CAP2: variants seen among roughly 807,000 people sequenced by gnomAD.
CAP2 encodes cyclase associated actin cytoskeleton regulatory protein 2, also known as adenylyl cyclase-associated protein 2.
In CAP2, 24 loss-of-function variants were observed where a neutral mutation model predicts 57.7. That is an observed-to-expected ratio of 0.42 (90% CI 0.30 to 0.58). CAP2 has a LOEUF of 0.58. CAP2 is among the 20% of genes least tolerant of loss of function. The pLI is 0.22. For synonymous variants in CAP2, 194 were observed against 207.2 expected, an observed-to-expected ratio of 0.94 and a Z score of 0.55; for missense variants, 501 against 590.3, an observed-to-expected ratio of 0.85 and a Z score of 1.57.
At chr6:17,455,563 T>G (rs961016938) in intron 3 of CAP2, among the ~76,000 whole-genome samples, 1 of 150,874 alleles carries the variant, frequency 6.6e-6, no homozygotes, top group African/African-American at 2.4e-5. Flanking sequence ...TGAGACAGAG[T>G]CTCGCTCTGT....
chr6:17,499,398 CAAAAAAA>C lies in CAP2; in HGVS notation c.301-7755_301-7749del, dbSNP rs71002217. On this transcript the variant is annotated intron_variant, in intron 4 of 12. Transcript: ENST00000229922. The stretch of plus-strand genomic sequence containing the variant: ...TGGGTGACAGAGCAAGACTCCATCT[CAAAAAAA>C]AAAAAAAAAAAAAAATTAAAGTAGG... 8.9e-3 allele frequency among the ~76,000 whole-genome samples: 620 copies of C among 69,564 alleles called. 7 individuals carry two copies. The highest frequency in any genetic ancestry group is 0.031 in the African/African-American group (594 of 19,206). The allele number at this position is 69,564 out of a possible 152,430, so 45.6% of individuals were successfully genotyped here.
intron 4 of CAP2, among the ~76,000 whole-genome samples, chr6:17,489,588 C>T (rs1761500788): frequency 6.6e-6 from 1 of 152,114 alleles, no homozygotes; most frequent in African/African-American, 2.4e-5. Context: ...GTTGGCATTA[C>T]CCAGTGTCAG....
intron 7 of CAP2, among the ~76,000 whole-genome samples, chr6:17,516,813 T>C (rs1367746978): frequency 6.6e-6 from 1 of 152,180 alleles, no homozygotes; most frequent in East Asian, 1.9e-4. Flanking sequence ...CCTTCTACAT[T>C]TGTTTTCCAA....
At chr6:17,537,933 G>A (rs1160669208) in intron 7 of CAP2, among the ~76,000 whole-genome samples, 6 of 152,026 alleles carry the variant, frequency 3.9e-5, no homozygotes, top group African/African-American at 1.4e-4. Flanking sequence ...TGGGCTTGGT[G>A]GTGCATGTTT....
In CAP2 at chr6:17,542,842, C is replaced by G; in HGVS notation, c.1008C>G (p.Tyr336Ter). The change falls in exon 10 of 13, where the codon TAC becomes TAG. Residue 336 changes from tyrosine (Y) to a stop codon, truncating the protein, a stop_gained. Coordinates refer to ENST00000229922, the MANE Select transcript of CAP2 (RefSeq NM_006366.3). LOFTEE classifies it high-confidence loss of function. Reference protein sequence around the residue: ...ELEGKKWRVEYQEDRNDLVIS... With the variant: ...ELEGKKWRVE ...TGTATTTGTCTTAATTCTAGGAGTA[C>G]CAAGAGGACAGGAATGACCTTGTGA... 1 of 1,609,862 alleles carries G rather than the reference C, an allele frequency of 6.2e-7. No individual in the cohort carries two copies. The highest frequency in any genetic ancestry group is 8.5e-7 in the Non-Finnish European group (1 of 1,177,174).
intron 7 of CAP2, 99 bp downstream of exon 7, chr6:17,514,053 A>G: frequency 2.6e-6 from 2 of 780,756 alleles, no homozygotes; most frequent in Non-Finnish European, 4.4e-6. Flanking sequence ...TACCTCAAGG[A>G]AAATGTAAGA....
At chr6:17,492,744 TC>T (rs761464933) in intron 4 of CAP2, among the ~76,000 whole-genome samples, 3 of 152,166 alleles carry the variant, frequency 2.0e-5, no homozygotes, top group Non-Finnish European at 4.4e-5. Context: ...TAATAAAATC[TC>T]CCCTCCTCCT....
In CAP2 at chr6:17,507,180, C is replaced by T. The variant is rs1196039749; in HGVS notation, c.312C>T (p.Ala104=). 8 of 1,614,106 alleles carry T rather than the reference C, an allele frequency of 5.0e-6. No individual in the cohort carries two copies. The highest frequency in any genetic ancestry group is 1.7e-5 in the Admixed American group (1 of 60,006). ...TTGACTGCTTACAGAATGACGTGGC[C>T]GCACTTCTGAAACCCATATCGGAAA... ...QYQQPHENDV[A]ALLKPISEKI... is the part of the protein sequence containing the mutation. Residue 104 remains alanine, a synonymous_variant, in exon 5 of 13, where the codon GCC becomes GCT. Transcript: ENST00000229922.
rs974460344 is a variant in CAP2 at position 17,478,183 on chromosome 6, G to A, written c.300+15110G>A. Among the ~76,000 whole-genome samples, 11 of 151,396 alleles carry A rather than the reference G, an allele frequency of 7.3e-5. No individual in the cohort carries two copies. In the South Asian group the frequency reaches 1.0e-3, roughly 14 times the overall value. On this transcript the variant is annotated intron_variant, in intron 4 of 12. Coordinates refer to ENST00000229922, the MANE Select transcript of CAP2 (RefSeq NM_006366.3). Reference sequence around the variant, plus strand: ...AAGGTCTTGCTCTGTTACCCAAGCTGGAGTGCAGTAGCGTGATCTTAGCTA... The same window carrying A: ...AAGGTCTTGCTCTGTTACCCAAGCTAGAGTGCAGTAGCGTGATCTTAGCTA...
chr6:17,394,923 T>C (rs556283167), intron 1 of CAP2, among the ~76,000 whole-genome samples: 1 of 152,340 alleles, frequency 6.6e-6, no homozygotes, highest in African/African-American at 2.4e-5. Flanking sequence ...TGTGAAATAG[T>C]TAATTCAGTA....
chr6:17,447,754 T>C (rs535539706), intron 3 of CAP2, among the ~76,000 whole-genome samples: 158 of 152,354 alleles, frequency 1.0e-3, no homozygotes, highest in African/African-American at 3.5e-3. Flanking sequence ...TGCCTTAGCC[T>C]CCCAAAGTGC....
intron 12 of CAP2, among the ~76,000 whole-genome samples, chr6:17,553,982 G>A (rs1268916592): frequency 6.6e-6 from 1 of 152,160 alleles, no homozygotes; most frequent in Non-Finnish European, 1.5e-5. Context: ...AGGAATATTG[G>A]CTGCACAAAC....
chr6:17,500,189 A>G (rs1345710799), intron 4 of CAP2, among the ~76,000 whole-genome samples: 1 of 150,532 alleles, frequency 6.6e-6, no homozygotes, highest in Non-Finnish European at 1.5e-5. Context: ...ACAAGAAGGG[A>G]GCTAGCCTAG....
rs1403529118 is a variant in CAP2 at position 17,460,152 on chromosome 6, G to A, written c.223-2844G>A. Among the ~76,000 whole-genome samples, 6 of 152,130 alleles carry A rather than the reference G, an allele frequency of 3.9e-5. No individual in the cohort carries two copies. In the East Asian group the frequency reaches 9.6e-4, roughly 24 times the overall value. On this transcript the variant is annotated intron_variant, in intron 3 of 12. Coordinates refer to ENST00000229922, the MANE Select transcript of CAP2 (RefSeq NM_006366.3). ...CAAGCTAGTCTCAGATGTCACCATT[G>A]CCACATCTGGGGCCACGCTCTCTGA...
intron 3 of CAP2, among the ~76,000 whole-genome samples, chr6:17,460,874 G>A (rs546348170): frequency 3.3e-5 from 5 of 152,328 alleles, no homozygotes; most frequent in Non-Finnish European, 5.9e-5. Context: ...TTTGCTGGGT[G>A]TGGTGGCTCA....
At chr6:17,536,455 A>G in intron 7 of CAP2, 2 of 318,158 alleles carry the variant, frequency 6.3e-6, no homozygotes, top group Non-Finnish European at 1.2e-5. Flanking sequence ...TTAGACCAAG[A>G]TGGAGTTTCA....
intron 12 of CAP2, 46 bp downstream of exon 12, chr6:17,551,650 A>G: frequency 7.0e-7 from 1 of 1,436,206 alleles, no homozygotes; most frequent in Non-Finnish European, 9.5e-7. Flanking sequence ...TGGAGCCTTC[A>G]TTATTAACAT....
chr6:17,531,936 T>C (rs1221744708), intron 7 of CAP2, among the ~76,000 whole-genome samples: 1 of 152,128 alleles, frequency 6.6e-6, no homozygotes, highest in Non-Finnish European at 1.5e-5. Context: ...CACTAGATTA[T>C]GAGCTTCTTA....
intron 4 of CAP2, among the ~76,000 whole-genome samples, chr6:17,486,334 G>A (rs987900161): frequency 6.6e-5 from 10 of 152,226 alleles, no homozygotes; most frequent in Non-Finnish European, 1.5e-5. Context: ...GGTCAGGTGT[G>A]GGGGCTCATG....
Sources: allele counts gnomAD v4.1 joint callset (sites outside exome capture counted in the v4.1 genomes callset), GRCh38; gene constraint gnomAD v4.1.1; transcripts MANE v1.5; gene names NCBI Gene and HGNC (gene_info 2026-07-23, HGNC 2026-07-21).